PCDHGA2: variants seen among roughly 807,000 people sequenced by gnomAD.
The protein encoded by PCDHGA2 is protocadherin gamma-A2.
A neutral mutation model predicts 59.2 loss-of-function variants in PCDHGA2; 40 were observed. The ratio of observed to expected loss-of-function variants is 0.68; its 90% CI spans 0.52 to 0.88. The LOEUF is 0.88. Among genes scored for constraint, PCDHGA2 ranks in the 40% least tolerant of loss-of-function variants. PCDHGA2 has a pLI of 0.00. For missense variants in PCDHGA2, 1,226 were observed against 1,204.0 expected (o/e 1.02, Z -0.27); for synonymous variants, 560 against 526.0 (o/e 1.06, Z -0.89).
At position 141,404,170 on chromosome 5, in the gene PCDHGA2, G is replaced by C. The variant is rs73279089; in HGVS notation, c.2424+62775G>C. Reference sequence around the variant, plus strand: ...AAGAAGATTATTACAGATTGTTGACGGCCCAAATTCTTGACCGAGAAAAAG... The same window carrying C: ...AAGAAGATTATTACAGATTGTTGACCGCCCAAATTCTTGACCGAGAAAAAG... On this transcript the variant is annotated intron_variant, in intron 1 of 3. Coordinates refer to ENST00000394576, the MANE Select transcript of PCDHGA2 (RefSeq NM_018915.4). The C allele has an allele frequency of 1.5e-3, 2,365 of 1,612,738 alleles. 32 individuals are homozygous for C. In the African/African-American group the frequency reaches 0.028, roughly 19 times the overall value.
chr5:141,470,680 T>C (rs1212361233), intron 1 of PCDHGA2, among the ~76,000 whole-genome samples: 1 of 152,090 alleles, frequency 6.6e-6, no homozygotes, highest in Non-Finnish European at 1.5e-5. Context: ...GCTGTTACCA[T>C]CTTGAAATTC....
chr5:141,387,741 G>A, intron 1 of PCDHGA2: 7 of 1,332,868 alleles, frequency 5.3e-6, no homozygotes, highest in Non-Finnish European at 6.1e-6. Context: ...CCTTTACACC[G>A]CTTCCTCCTC....
rs751223207 is a variant in PCDHGA2 at position 141,340,966 on chromosome 5, C to G, written c.1995C>G (p.Ala665=). The G allele has an allele frequency of 1.2e-6, 2 of 1,613,852 alleles. No individual in the cohort carries two copies. Among genetic ancestry groups the G allele is most frequent in the Non-Finnish European group, 8.5e-7 (1 of 1,179,830 alleles). ...SATVTLTVAV[A]DRIPDILADL... is the part of the protein sequence containing the mutation. The stretch of plus-strand genomic sequence containing the variant: ...CTGTCACGCTCACCGTGGCCGTGGC[C>G]GACAGGATCCCCGACATCCTGGCCG... The change falls in exon 1 of 4, where the codon GCC becomes GCG. Residue 665 remains alanine (A), a synonymous_variant. Coordinates refer to ENST00000394576, the MANE Select transcript of PCDHGA2 (RefSeq NM_018915.4).
intron 1 of PCDHGA2, among the ~76,000 whole-genome samples, chr5:141,348,135 T>C (rs1237246748): frequency 6.6e-6 from 1 of 152,224 alleles, no homozygotes; most frequent in South Asian, 2.1e-4. Flanking sequence ...ACTCATGAAA[T>C]CATATGAGAG....
In PCDHGA2 at chr5:141,476,432, G is replaced by A. The variant is rs139089802; in HGVS notation, c.2425-18375G>A. 15 of 1,614,116 alleles carry A rather than the reference G, an allele frequency of 9.3e-6. No individual in the cohort carries two copies. The East Asian group carries it at 3.3e-4, about 36-fold the overall frequency. Reference sequence around the variant, plus strand: ...GTGTGGGACACTGCCCTCTTGCACTGTAACTCTGGAGTTGGTAGTGGAGAA... The same window carrying A: ...GTGTGGGACACTGCCCTCTTGCACTATAACTCTGGAGTTGGTAGTGGAGAA... On this transcript the variant is annotated intron_variant, in intron 1 of 3. Coordinates refer to ENST00000394576, the MANE Select transcript of PCDHGA2 (RefSeq NM_018915.4). The surrounding 1 kb of genome is among the most constrained non-coding windows in gnomAD (Gnocchi z 7.6).
chr5:141,361,413 CG>C (rs1007927822), intron 1 of PCDHGA2: 3 of 1,613,902 alleles, frequency 1.9e-6, no homozygotes, highest in South Asian at 2.2e-5. Context: ...CAGCCACCGA[CG>C]GGGGCAAGCC....
intron 1 of PCDHGA2, chr5:141,357,842 G>T: frequency 1.6e-6 from 1 of 624,650 alleles, no homozygotes; most frequent in Non-Finnish European, 2.7e-6. Context: ...TTCAGTTGTA[G>T]TTTCAGCCAG....
intron 1 of PCDHGA2, chr5:141,478,484 C>T (rs376021397): frequency 6.2e-7 from 1 of 1,613,458 alleles, no homozygotes; most frequent in South Asian, 1.1e-5. Flanking sequence ...GAACACGCTG[C>T]GGAGCTGTGA....
intron 1 of PCDHGA2, chr5:141,364,142 A>C (rs1588593091): frequency 3.9e-6 from 2 of 513,968 alleles, no homozygotes; most frequent in South Asian, 1.1e-4. Context: ...CCAAAGTGGG[A>C]AAGAAGCTGC....
chr5:141,350,114 C>G, intron 1 of PCDHGA2: 1 of 569,488 alleles, frequency 1.8e-6, no homozygotes. Flanking sequence ...CCTGCTTTGT[C>G]CGGTGCACTG....
chr5:141,348,253 G>A (rs930812434), intron 1 of PCDHGA2, among the ~76,000 whole-genome samples: 1 of 152,100 alleles, frequency 6.6e-6, no homozygotes, highest in African/African-American at 2.4e-5. Flanking sequence ...AGACAACAGG[G>A]CCAGAACACA....
chr5:141,394,022 A>G (rs1210359800), intron 1 of PCDHGA2: 1 of 1,613,552 alleles, frequency 6.2e-7, no homozygotes, highest in South Asian at 1.1e-5. Flanking sequence ...ATTATTATAG[A>G]TTAGTGACAA....
chr5:141,486,153 C>A lies in PCDHGA2; in HGVS notation c.2425-8654C>A, dbSNP rs1330257915. On this transcript the variant is annotated intron_variant, in intron 1 of 3. Coordinates refer to ENST00000394576, the MANE Select transcript of PCDHGA2 (RefSeq NM_018915.4). This position sits in a 1 kb window ranked among gnomAD's most constrained non-coding sequence, Gnocchi z 5.0. ...GATGTGCGGGCTCGCGATGGGGGTTCTCCAGCCATGGAGCAACATTGCAGC... is the reference window on the plus strand; with the variant it reads ...GATGTGCGGGCTCGCGATGGGGGTTATCCAGCCATGGAGCAACATTGCAGC... 6.2e-7 allele frequency: 1 copy of A among 1,614,202 alleles called. No individual in the cohort carries two copies. The highest frequency in any genetic ancestry group is 1.7e-5 in the Admixed American group (1 of 60,022).
chr5:141,362,763 G>A, intron 1 of PCDHGA2: 2 of 636,758 alleles, frequency 3.1e-6, no homozygotes, highest in South Asian at 2.1e-5. Flanking sequence ...TTTATCACAT[G>A]AGATATTGCA....
In PCDHGA2 at chr5:141,497,558, TA is replaced by T. The variant is rs543126612; in HGVS notation, c.2483+2694del. 6.7e-3 allele frequency among the ~76,000 whole-genome samples: 979 copies of T among 145,038 alleles called. 16 individuals carry two copies. Among genetic ancestry groups the T allele is most frequent in the African/African-American group, 0.024 (931 of 38,872 alleles). On this transcript the variant is annotated intron_variant, in intron 2 of 3. Coordinates refer to ENST00000394576, the MANE Select transcript of PCDHGA2 (RefSeq NM_018915.4). The stretch of plus-strand genomic sequence containing the variant: ...AACAAACCTTTTTTTTTTTTTTTTT[TA>T]GACAGAGTCTTGCTCTGTTGCCCAA...
chr5:141,400,067 A>G lies in PCDHGA2; in HGVS notation c.2424+58672A>G, dbSNP rs761746196. On this transcript the variant is annotated intron_variant, in intron 1 of 3. Coordinates refer to ENST00000394576, the MANE Select transcript of PCDHGA2 (RefSeq NM_018915.4). ...CTGGTTGCTGTGCGTGATGGTGGAC[A>G]GCCGCCACTCTCCGCCACCGCCACG... is the stretch of plus-strand genomic sequence containing the variant. 1.3e-5 allele frequency: 21 copies of G among 1,613,654 alleles called. No individual in the cohort carries two copies. The highest frequency in any genetic ancestry group is 1.7e-4 in the Middle Eastern group (1 of 5,998).
chr5:141,500,232 G>A (rs1024752888), intron 2 of PCDHGA2, among the ~76,000 whole-genome samples: 1 of 137,690 alleles, frequency 7.3e-6, no homozygotes, highest in South Asian at 2.3e-4. Flanking sequence ...TTATTGATAC[G>A]TAGCCTTGCT....
Position 141,432,759 on chromosome 5 carries a change from G to A in PCDHGA2, c.2425-62048G>A. 6.2e-7 allele frequency: 1 copy of A among 1,614,150 alleles called. No individual in the cohort carries two copies. The highest frequency in any genetic ancestry group is 8.5e-7 in the Non-Finnish European group (1 of 1,180,006). On this transcript the variant is annotated intron_variant, in intron 1 of 3. Coordinates refer to ENST00000394576, the MANE Select transcript of PCDHGA2 (RefSeq NM_018915.4). This position sits in a 1 kb window ranked among gnomAD's most constrained non-coding sequence, Gnocchi z 6.0. ...ACGCTCACCGTGGCCGTGGCCGACA[G>A]CATCCCCCAAGTCCTGGCGGACCTC...
At chr5:141,363,029 C>T (rs139317097) in intron 1 of PCDHGA2, among the ~76,000 whole-genome samples, 7 of 152,336 alleles carry the variant, frequency 4.6e-5, no homozygotes, top group African/African-American at 1.7e-4. Context: ...GACATTGTCC[C>T]ATTGACTTGA....
Sources: allele counts gnomAD v4.1 joint callset (sites outside exome capture counted in the v4.1 genomes callset), GRCh38; gene constraint gnomAD v4.1.1; non-coding constraint Gnocchi (gnomAD v3.1); transcripts MANE v1.5; gene names NCBI Gene and HGNC (gene_info 2026-07-23, HGNC 2026-07-21).